Variants in AGBL4 observed in about 807,000 individuals in gnomAD.
The protein encoded by AGBL4 is AGBL carboxypeptidase 4, also known as cytosolic carboxypeptidase 6.
Under a neutral mutation model 66.4 loss-of-function variants are expected in AGBL4, and 58 were observed. The observed-to-expected ratio is 0.87, with a 90% CI of 0.71 to 1.09. AGBL4 has a LOEUF of 1.09. AGBL4 is among the 50% of genes least tolerant of loss of function. The pLI is 0.00. For missense variants in AGBL4, 579 were observed against 631.0 expected, an observed-to-expected ratio of 0.92 and a Z score of 0.88; for synonymous variants, 234 against 222.9, an observed-to-expected ratio of 1.05 and a Z score of -0.44.
intron 3 of AGBL4, among the ~76,000 whole-genome samples, chr1:49,513,755 G>A (rs79004259): frequency 6.6e-6 from 1 of 152,048 alleles, no homozygotes; most frequent in Non-Finnish European, 1.5e-5. Flanking sequence ...TACTATAAAT[G>A]ACTATTTCAA....
chr1:48,747,266 A>C (rs1650919823), intron 6 of AGBL4, among the ~76,000 whole-genome samples: 2 of 152,186 alleles, frequency 1.3e-5, no homozygotes, highest in African/African-American at 4.8e-5. Flanking sequence ...AAGGGCTTTG[A>C]TCCATTTGCA....
intron 6 of AGBL4, among the ~76,000 whole-genome samples, chr1:48,827,770 A>C (rs538437551): frequency 1.3e-5 from 2 of 152,304 alleles, no homozygotes; most frequent in African/African-American, 4.8e-5. Context: ...GGATGAGACA[A>C]ACCTCATGTG....
chr1:49,156,794 T>C (rs1569863283), intron 4 of AGBL4, among the ~76,000 whole-genome samples: 1 of 152,156 alleles, frequency 6.6e-6, no homozygotes, highest in Non-Finnish European at 1.5e-5. Flanking sequence ...ATGCTAACTA[T>C]GGTACAGTGT....
At chr1:49,851,638 AAC>A (rs1010002604) in intron 1 of AGBL4, 120 bp from the exon 2 acceptor site, 37 of 979,148 alleles carry the variant, frequency 3.8e-5, no homozygotes, top group Non-Finnish European at 5.0e-5. Flanking sequence ...AAAAGAAGTT[AAC>A]ACCACATTGT....
rs567454698 is a variant in AGBL4 at position 49,678,760 on chromosome 1, G to C, written c.282+18553C>G. ...ATTGTTTAGTTTACAAATGTTTGAA[G>C]ATTTATTTTTATTTTTCTGTTATTT... On this transcript the variant is annotated intron_variant, in intron 3 of 13. Transcript: ENST00000371839. Among the ~76,000 whole-genome samples the C allele has an allele frequency of 2.6e-5, 4 of 152,046 alleles. No individual in the cohort carries two copies. The South Asian group carries it at 6.2e-4, about 24-fold the overall frequency.
chr1:49,189,032 G>C (rs1460337535), intron 4 of AGBL4, among the ~76,000 whole-genome samples: 2 of 152,140 alleles, frequency 1.3e-5, no homozygotes, highest in Non-Finnish European at 2.9e-5. Flanking sequence ...GAAGTACTGT[G>C]ATCAATTAGC....
chr1:48,815,661 A>C (rs965375822), intron 6 of AGBL4, among the ~76,000 whole-genome samples: 12 of 152,312 alleles, frequency 7.9e-5, no homozygotes, highest in Middle Eastern at 6.8e-3. Flanking sequence ...GTATCTATAG[A>C]GCACCTGGCA....
chr1:48,703,413 GTCATAGA>G (rs1372917664), intron 6 of AGBL4, among the ~76,000 whole-genome samples: 1 of 151,988 alleles, frequency 6.6e-6, no homozygotes. Flanking sequence ...AGAAAAAGAG[GTCATAGA>G]TGAAGATAAG....
intron 3 of AGBL4, among the ~76,000 whole-genome samples, chr1:49,381,844 G>C (rs370594029): frequency 1.5e-5 from 2 of 136,830 alleles, no homozygotes; most frequent in East Asian, 4.0e-4. Flanking sequence ...TGGGGACTGT[G>C]GTGGGGTGGG....
chr1:48,813,508 C>G (rs1233981251), intron 6 of AGBL4, among the ~76,000 whole-genome samples: 1 of 152,128 alleles, frequency 6.6e-6, no homozygotes, highest in African/African-American at 2.4e-5. Flanking sequence ...TCCAGGCTCC[C>G]AGGAGGAGGC....
intron 1 of AGBL4, among the ~76,000 whole-genome samples, chr1:49,996,522 G>C (rs1000873655): frequency 1.3e-5 from 2 of 152,054 alleles, no homozygotes; most frequent in South Asian, 2.1e-4. Context: ...AAAGAAAAAG[G>C]AATAAAAAAA....
chr1:49,308,740 G>A (rs997202665), intron 3 of AGBL4, among the ~76,000 whole-genome samples: 5 of 152,142 alleles, frequency 3.3e-5, no homozygotes, highest in Non-Finnish European at 5.9e-5. Context: ...AGAAAAGGCA[G>A]GGTGGAAGGA....
intron 4 of AGBL4, among the ~76,000 whole-genome samples, chr1:49,175,601 T>G (rs1646816262): frequency 6.6e-6 from 1 of 152,104 alleles, no homozygotes; most frequent in Non-Finnish European, 1.5e-5. Flanking sequence ...ATACAGGTGT[T>G]TTCTAAAGTG....
intron 11 of AGBL4, among the ~76,000 whole-genome samples, chr1:48,578,261 A>G (rs1430928882): frequency 6.6e-6 from 1 of 152,186 alleles, no homozygotes; most frequent in Non-Finnish European, 1.5e-5. Context: ...CTCTTCATGA[A>G]GCACATTCTC....
In AGBL4 at chr1:49,859,573, G is replaced by A. The variant is rs185656610; in HGVS notation, c.35-8055C>T. 2.0e-4 allele frequency among the ~76,000 whole-genome samples: 31 copies of A among 151,864 alleles called. No homozygotes were observed. The East Asian group carries it at 3.1e-3, about 15-fold the overall frequency. On this transcript the variant is annotated intron_variant, in intron 1 of 13. Transcript: ENST00000371839. ...TTCTCAGCATATGAAGAATTAAAAC[G>A]GAATTCCTTGACATGATAAAAGGAA...
chr1:49,474,145 T>A (rs907962334), intron 3 of AGBL4, among the ~76,000 whole-genome samples: 8 of 152,080 alleles, frequency 5.3e-5, no homozygotes, highest in Non-Finnish European at 8.8e-5. Flanking sequence ...TTATGATCAT[T>A]TTTTCTAATT....
chr1:48,598,753 G>A (rs912142830), intron 9 of AGBL4, among the ~76,000 whole-genome samples: 6 of 151,970 alleles, frequency 3.9e-5, no homozygotes, highest in African/African-American at 1.4e-4. Flanking sequence ...TGGGATTACA[G>A]GTGTCAGCCA....
At chr1:49,951,801 T>G (rs1402617714) in intron 1 of AGBL4, among the ~76,000 whole-genome samples, 1 of 151,992 alleles carries the variant, frequency 6.6e-6, no homozygotes, top group Non-Finnish European at 1.5e-5. Flanking sequence ...CATTGTACAC[T>G]GTAACTATAA....
chr1:49,995,514 G>A (rs1660303271), intron 1 of AGBL4: 1 of 341,834 alleles, frequency 2.9e-6, no homozygotes, highest in African/African-American at 2.1e-5. Context: ...AAGAGTCTGA[G>A]CTAAAACATG....
Sources: gnomAD v4.1 joint callset for allele counts (sites outside exome capture counted in the v4.1 genomes callset) on GRCh38, gnomAD v4.1.1 for gene constraint, MANE v1.5 for transcripts, NCBI Gene and HGNC (gene_info 2026-07-23, HGNC 2026-07-21) for gene names.